Variants in HTR7 observed in about 807,000 individuals in gnomAD.
The protein encoded by HTR7 is 5-hydroxytryptamine receptor 7, also known as 5-HT-7.
A neutral mutation model predicts 34.0 loss-of-function variants in HTR7; 16 were observed. The ratio of observed to expected loss-of-function variants is 0.47; its 90% CI spans 0.32 to 0.71. The LOEUF is 0.71. Ranked by LOEUF, HTR7 falls within the 30% of genes least tolerant of loss-of-function variation. HTR7 has a pLI of 0.04. For missense variants in HTR7, 504 were observed against 625.5 expected, an observed-to-expected ratio of 0.81 and a Z score of 2.07; for synonymous variants, 265 against 260.2, an observed-to-expected ratio of 1.02 and a Z score of -0.18.
chr10:90,797,384 T>G (rs955904652), intron 1 of HTR7, among the ~76,000 whole-genome samples: 24 of 152,214 alleles, frequency 1.6e-4, no homozygotes, highest in African/African-American at 4.8e-4. Context: ...TTTCTAATTT[T>G]CTGCTTCTAA....
chr10:90,800,866 C>T (rs1000912154), intron 1 of HTR7, among the ~76,000 whole-genome samples: 6 of 152,286 alleles, frequency 3.9e-5, no homozygotes, highest in African/African-American at 1.2e-4. Context: ...CAATAAAGCT[C>T]CATGATTTGA....
intron 1 of HTR7, among the ~76,000 whole-genome samples, chr10:90,837,033 T>C (rs1334455811): frequency 1.3e-5 from 2 of 152,160 alleles, no homozygotes; most frequent in African/African-American, 4.8e-5. Context: ...TGTGAGAACC[T>C]TGGTCTAAAC....
At chr10:90,766,195 T>TATATAAA (rs1439232284) in intron 1 of HTR7, among the ~76,000 whole-genome samples, 1 of 152,234 alleles carries the variant, frequency 6.6e-6, no homozygotes, top group African/African-American at 2.4e-5. Flanking sequence ...TATACTTAGG[T>TATATAAA]GTTCCAATGT....
rs181418125 is a variant in HTR7 at position 90,763,161 on chromosome 10, T to C, written c.540-13567A>G. On this transcript the variant is annotated intron_variant, in intron 1 of 3. Transcript: ENST00000336152. ...ATGAATTTTAGGATTGTTTTCTGTT[T>C]CTGTGAAAAATGCCATTGGAATTTT... 3.3e-3 allele frequency among the ~76,000 whole-genome samples: 499 copies of C among 152,338 alleles called. 6 individuals carry two copies. The highest frequency in any genetic ancestry group is 0.028 in the South Asian group (137 of 4,828).
Position 90,742,534 on chromosome 10 carries a change from A to G in HTR7, c.1394-6T>C. 6.4e-7 allele frequency: 1 copy of G among 1,570,090 alleles called. No homozygotes were observed. Among genetic ancestry groups the G allele is most frequent in the Non-Finnish European group, 8.7e-7 (1 of 1,150,362 alleles). On this transcript the variant is annotated splice_polypyrimidine_tract_variant and splice_region_variant and intron_variant, in intron 3 of 3. Transcript: ENST00000336152. Reference sequence around the variant, plus strand: ...TACAGTAGTCAGCATTTTGTCTAAAAAAAAGAGAGAGAAAAATAGAAAATA... The same window carrying G: ...TACAGTAGTCAGCATTTTGTCTAAAGAAAAGAGAGAGAAAAATAGAAAATA...
chr10:90,808,567 A>G (rs1372258149), intron 1 of HTR7, among the ~76,000 whole-genome samples: 6 of 150,314 alleles, frequency 4.0e-5, no homozygotes, highest in African/African-American at 1.5e-4. Flanking sequence ...CTGCGCCCTG[A>G]TCCCTTATTT....
At chr10:90,856,464 T>C (rs1400436289) in intron 1 of HTR7, among the ~76,000 whole-genome samples, 1 of 152,098 alleles carries the variant, frequency 6.6e-6, no homozygotes, top group East Asian at 1.9e-4. Context: ...ATTACTCCAG[T>C]GGGGGAGTTC....
intron 1 of HTR7, among the ~76,000 whole-genome samples, chr10:90,824,705 C>A (rs1203257697): frequency 1.3e-5 from 2 of 152,146 alleles, no homozygotes; most frequent in Non-Finnish European, 2.9e-5. Context: ...AGCTCCTGGG[C>A]CTTAAGTGAA....
At chr10:90,778,614 CTG>C (rs1845259227) in intron 1 of HTR7, among the ~76,000 whole-genome samples, 1 of 152,210 alleles carries the variant, frequency 6.6e-6, no homozygotes, top group Non-Finnish European at 1.5e-5. Flanking sequence ...AAAACAGAGA[CTG>C]TACTAAACGA....
At chr10:90,773,150 C>T (rs577845166) in intron 1 of HTR7, among the ~76,000 whole-genome samples, 1 of 152,262 alleles carries the variant, frequency 6.6e-6, no homozygotes, top group East Asian at 1.9e-4. Context: ...TATAGAAATA[C>T]CCATTTAAAG....
At chr10:90,746,732 G>A (rs1844643271) in intron 2 of HTR7, among the ~76,000 whole-genome samples, 1 of 152,090 alleles carries the variant, frequency 6.6e-6, no homozygotes, top group Non-Finnish European at 1.5e-5. Flanking sequence ...GTACTTACCA[G>A]TCTAAAGCTA....
intron 1 of HTR7, among the ~76,000 whole-genome samples, chr10:90,799,294 T>C (rs537753042): frequency 1.3e-5 from 2 of 152,198 alleles, no homozygotes; most frequent in Non-Finnish European, 2.9e-5. Flanking sequence ...TCCAGGAGAC[T>C]GATTTGAGTA....
intron 1 of HTR7, among the ~76,000 whole-genome samples, chr10:90,850,631 T>C (rs1846482953): frequency 6.6e-6 from 1 of 152,038 alleles, no homozygotes; most frequent in Admixed American, 6.5e-5. Flanking sequence ...CTAAAAAATA[T>C]AACAAGATGA....
intron 2 of HTR7, among the ~76,000 whole-genome samples, chr10:90,748,401 A>G (rs1844673605): frequency 6.6e-6 from 1 of 152,200 alleles, no homozygotes; most frequent in Admixed American, 6.5e-5. Context: ...ATGTAACTGC[A>G]TACTAAAAAG....
chr10:90,790,022 G>C (rs770347692), intron 1 of HTR7, among the ~76,000 whole-genome samples: 9 of 151,948 alleles, frequency 5.9e-5, no homozygotes, highest in Non-Finnish European at 1.3e-4. Flanking sequence ...CCTACACATT[G>C]TACTGGAAAC....
At chr10:90,748,573 A>C (rs917496310) in intron 2 of HTR7, among the ~76,000 whole-genome samples, 3 of 152,190 alleles carry the variant, frequency 2.0e-5, no homozygotes, top group African/African-American at 7.2e-5. Flanking sequence ...AAAGAAGGGA[A>C]AATATCACCT....
Position 90,857,829 on chromosome 10 carries a change from G to T in HTR7, c.-158C>A. On this transcript the variant is annotated 5_prime_UTR_variant, in exon 1 of 4. Coordinates refer to ENST00000336152, the MANE Select transcript of HTR7 (RefSeq NM_019859.4). The surrounding 1 kb of genome is among the most constrained non-coding windows in gnomAD (Gnocchi z 6.5). ...GCGCCTGGCTCTGTCTCGGAGCCCCGCACTCCCCGGACCCCCGGCCGCTGC... is the reference window on the plus strand; with the variant it reads ...GCGCCTGGCTCTGTCTCGGAGCCCCTCACTCCCCGGACCCCCGGCCGCTGC... 1.5e-6 allele frequency: 1 copy of T among 648,418 alleles called. No individual in the cohort carries two copies. 40.2% of individuals were successfully genotyped at this position (648,418 alleles called of 1,614,324 possible).
chr10:90,843,538 CA>C (rs148699624), intron 1 of HTR7, among the ~76,000 whole-genome samples: 5,298 of 152,118 alleles, frequency 0.035, 113 homozygotes, highest in Middle Eastern at 0.095. Flanking sequence ...AAGAATATTC[CA>C]GGGGAGACAT....
intron 1 of HTR7, among the ~76,000 whole-genome samples, chr10:90,799,372 TG>T (rs1660404941): frequency 7.8e-6 from 1 of 128,508 alleles, no homozygotes; most frequent in Non-Finnish European, 1.7e-5. Context: ...AATGAATGAA[TG>T]AATGAATGAA....
Sources: gnomAD v4.1 joint callset for allele counts (sites outside exome capture counted in the v4.1 genomes callset) on GRCh38, gnomAD v4.1.1 for gene constraint, Gnocchi (gnomAD v3.1) non-coding constraint, MANE v1.5 for transcripts, NCBI Gene and HGNC (gene_info 2026-07-23, HGNC 2026-07-21) for gene names.